Variants in CEP120 observed in about 807,000 individuals in gnomAD.
CEP120 encodes the protein centrosomal protein 120, also known as centrosomal protein of 120 kDa.
A neutral mutation model predicts 126.5 loss-of-function variants in CEP120; 113 were observed. The ratio of observed to expected loss-of-function variants is 0.89; its 90% confidence interval spans 0.77 to 1.04. The LOEUF is 1.04. Among genes scored for constraint, CEP120 ranks in the 50% least tolerant of loss-of-function variants. CEP120 has a pLI of 0.00. For missense variants in CEP120, 1,230 were observed against 1,155.7 expected (o/e 1.06, Z -0.93); for synonymous variants, 400 against 394.3 (o/e 1.01, Z -0.17).
intron 4 of CEP120, chr5:123,402,353 G>A: frequency 7.2e-7 from 1 of 1,395,554 alleles, no homozygotes; most frequent in Non-Finnish European, 9.5e-7. Context: ...GGTGGAGGCA[G>A]GAGTGGAGGC....
chr5:123,355,582 T>G (rs1242218974), intron 18 of CEP120, among the ~76,000 whole-genome samples: 1 of 152,246 alleles, frequency 6.6e-6, no homozygotes, highest in Non-Finnish European at 1.5e-5. Flanking sequence ...CATAAATGTC[T>G]TCTTTTGGGA....
intron 4 of CEP120, among the ~76,000 whole-genome samples, chr5:123,399,583 A>G (rs1338513278): frequency 6.6e-6 from 1 of 152,222 alleles, no homozygotes; most frequent in Non-Finnish European, 1.5e-5. Context: ...GAAAGTGAAT[A>G]AGCTAGATAT....
rs10069522 is a variant in CEP120, at chr5:123,400,007, G to A, written c.464-723C>T. On this transcript the variant is annotated intron_variant, in intron 4 of 19. Coordinates refer to ENST00000306467, the MANE Select transcript of CEP120 (RefSeq NM_001375405.1). ...GATAATATCCAATGTTGAGGAGAAC[G>A]CAGGAAAGTGAATGCTCTCAATGTT... 2.6e-3 allele frequency among the ~76,000 whole-genome samples: 394 copies of A among 152,274 alleles called. 4 individuals carry two copies. The highest frequency in any genetic ancestry group is 8.9e-3 in the African/African-American group (370 of 41,560).
intron 2 of CEP120, among the ~76,000 whole-genome samples, chr5:123,416,470 C>G (rs1774400750): frequency 6.6e-6 from 1 of 152,004 alleles, no homozygotes; most frequent in South Asian, 2.1e-4. Flanking sequence ...ACTCAGGAGG[C>G]TGAGGCAGGG....
At chr5:123,373,711 T>C (rs1336605577) in intron 16 of CEP120, among the ~76,000 whole-genome samples, 2 of 152,086 alleles carry the variant, frequency 1.3e-5, no homozygotes, top group African/African-American at 4.8e-5. Flanking sequence ...AACTCCAGGC[T>C]TGTGTTTTGA....
chr5:123,396,356 T>A (rs13156123), intron 5 of CEP120, among the ~76,000 whole-genome samples: 3 of 151,750 alleles, frequency 2.0e-5, no homozygotes, highest in African/African-American at 7.3e-5. Context: ...TCTGTTTAAC[T>A]TTGTGAGGAA....
chr5:123,402,505 G>A (rs969475832), intron 4 of CEP120, among the ~76,000 whole-genome samples: 4 of 152,062 alleles, frequency 2.6e-5, no homozygotes, highest in African/African-American at 4.8e-5. Flanking sequence ...CTGCCCCCCC[G>A]GATTCAAGCA....
intron 17 of CEP120, among the ~76,000 whole-genome samples, chr5:123,365,336 T>C (rs1770381168): frequency 1.3e-5 from 2 of 151,850 alleles, no homozygotes; most frequent in African/African-American, 2.4e-5. Flanking sequence ...TTTTGGAATG[T>C]ACTCAGTGTT....
At chr5:123,357,078 C>T (rs2126983927) in intron 18 of CEP120, among the ~76,000 whole-genome samples, 1 of 152,142 alleles carries the variant, frequency 6.6e-6, no homozygotes, top group South Asian at 2.1e-4. Flanking sequence ...CAATCGTTTT[C>T]TTTAGTACTT....
intron 18 of CEP120, among the ~76,000 whole-genome samples, chr5:123,363,269 T>A (rs1004316363): frequency 6.6e-6 from 1 of 151,616 alleles, no homozygotes; most frequent in African/African-American, 2.4e-5. Context: ...CCAACTCCTA[T>A]TAAATAGACG....
chr5:123,400,755 A>C (rs1013529681), intron 4 of CEP120, among the ~76,000 whole-genome samples: 3 of 148,574 alleles, frequency 2.0e-5, no homozygotes, highest in African/African-American at 7.4e-5. Flanking sequence ...AGGCATGGGC[A>C]AAGGGGGGGT....
chr5:123,362,485 A>G (rs1253926155), intron 18 of CEP120, among the ~76,000 whole-genome samples: 1 of 151,830 alleles, frequency 6.6e-6, no homozygotes, highest in Non-Finnish European at 1.5e-5. Flanking sequence ...TTTCTTCATT[A>G]GGTTGGTGCA....
At chr5:123,372,558 GCAAAA>G (rs1224652600) in intron 17 of CEP120, 87 bp downstream of exon 17, 1 of 1,299,322 alleles carries the variant, frequency 7.7e-7, no homozygotes, top group East Asian at 2.4e-5. Flanking sequence ...GAACACTACA[GCAAAA>G]CATTATTATA....
At chr5:123,406,773 C>A (rs190726151) in intron 4 of CEP120, among the ~76,000 whole-genome samples, 5 of 152,038 alleles carry the variant, frequency 3.3e-5, no homozygotes, top group African/African-American at 1.2e-4. Context: ...AAGCTCAGAT[C>A]TACACAAAGA....
At chr5:123,383,155 T>G in intron 11 of CEP120, 73 bp from the exon 12 acceptor site, 1 of 915,438 alleles carries the variant, frequency 1.1e-6, no homozygotes, top group South Asian at 1.8e-5. Flanking sequence ...ATTTCCCCAG[T>G]GCTTTAGCAA....
intron 4 of CEP120, chr5:123,401,498 T>A (rs1773235189): frequency 7.9e-7 from 1 of 1,268,490 alleles, no homozygotes; most frequent in East Asian, 2.3e-5. Context: ...CTTGATCTGG[T>A]ACATGCTCTC....
chr5:123,391,309 A>T lies in CEP120; in HGVS notation c.839T>A (p.Leu280His), dbSNP rs1772381465. 6.2e-7 allele frequency: 1 copy of T among 1,614,112 alleles called. No individual in the cohort carries two copies. The highest frequency in any genetic ancestry group is 1.1e-5 in the South Asian group (1 of 91,084). Residue 280 changes from leucine to histidine, a missense_variant, in exon 7 of 20, where the codon CTT (leucine) becomes CAT (histidine). Leu to His is a moderately conservative substitution (Grantham distance 99). Coordinates refer to ENST00000306467, the MANE Select transcript of CEP120 (RefSeq NM_001375405.1). ...QIHLCCGDQS[L>H]GSTEIPLTGL... ...AGTTAAAGGTATTTCTGTACTTCCA[A>T]GTGACTGGTCTCCACAGCAGAGGTG... is the stretch of plus-strand genomic sequence containing the variant.
chr5:123,402,150 G>A lies in CEP120; in HGVS notation c.464-2866C>T, dbSNP rs565422339. 84 of 1,582,948 alleles carry A rather than the reference G, an allele frequency of 5.3e-5. No individual in the cohort carries two copies. In the African/African-American group the frequency reaches 5.4e-4, roughly 10 times the overall value. ...CAGCAGGCTCTGGTTGACTGTGACCGCGGTGATGCCTCCCATGCCGCTGGC... is the reference window on the plus strand; with the variant it reads ...CAGCAGGCTCTGGTTGACTGTGACCACGGTGATGCCTCCCATGCCGCTGGC... On this transcript the variant is annotated intron_variant, in intron 4 of 19. Coordinates refer to ENST00000306467, the MANE Select transcript of CEP120 (RefSeq NM_001375405.1).
intron 16 of CEP120, among the ~76,000 whole-genome samples, chr5:123,375,822 T>C (rs1771174398): frequency 6.6e-6 from 1 of 152,112 alleles, no homozygotes; most frequent in Non-Finnish European, 1.5e-5. Context: ...ACTACCCTAC[T>C]TGGTAACAAT....
Sources: gnomAD v4.1 joint callset for allele counts (sites outside exome capture counted in the v4.1 genomes callset) on GRCh38, gnomAD v4.1.1 for gene constraint, MANE v1.5 for transcripts, NCBI Gene and HGNC (gene_info 2026-07-23, HGNC 2026-07-21) for gene names.